PDE12: variants seen among roughly 807,000 people sequenced by gnomAD.
PDE12 encodes phosphodiesterase 12, also known as 2',5'-phosphodiesterase 12.
In PDE12, 26 loss-of-function variants were observed where a neutral mutation model predicts 45.4. That is an observed-to-expected ratio of 0.57 (90% confidence interval 0.42 to 0.79). The LOEUF (loss-of-function observed/expected upper bound fraction) is 0.79, where lower values mean the gene tolerates loss of function less well. Ranked by LOEUF, PDE12 falls within the 30% of genes least tolerant of loss-of-function variation. The probability of loss-of-function intolerance (pLI) is 0.00; values close to 1 mark genes in which losing one functional copy is unlikely to be tolerated. For synonymous variants in PDE12, 283 were observed against 323.9 expected (o/e 0.87, Z 1.36); for missense variants, 668 against 790.0 (o/e 0.85, Z 1.85).
the PDE12 span, among the ~76,000 whole-genome samples, chr3:57,623,885 G>A: frequency 6.6e-6 from 1 of 152,170 alleles, no homozygotes; most frequent in African/African-American, 2.4e-5. Flanking sequence ...ATGATGACAA[G>A]AATGGGGAGG....
chr3:57,628,806 C>G, the PDE12 span: 1 of 1,610,100 alleles, frequency 6.2e-7, no homozygotes, highest in Non-Finnish European at 8.5e-7. Context: ...GTTTTGGCTA[C>G]ATACCAGCTT....
At chr3:57,584,006 A>G in the PDE12 span, 2 of 1,601,544 alleles carry the variant, frequency 1.2e-6, no homozygotes, top group East Asian at 4.5e-5. Context: ...CCACATTAAA[A>G]CCTACAAAGA....
chr3:57,612,807 C>G, the PDE12 span, among the ~76,000 whole-genome samples: 1 of 150,686 alleles, frequency 6.6e-6, no homozygotes, highest in South Asian at 2.1e-4. Context: ...TTGAAAGAAC[C>G]CAGGAAAAAA....
At chr3:57,618,843 A>G in the PDE12 span, among the ~76,000 whole-genome samples, 5 of 151,878 alleles carry the variant, frequency 3.3e-5, no homozygotes, top group South Asian at 1.0e-3. Context: ...CCTGGGCTCA[A>G]GTGATCTGCT....
chr3:57,566,105 C>CA lies in PDE12; in HGVS notation c.*6102dup, dbSNP rs1010088418. 1 of 152,140 alleles carries CA rather than the reference C, an allele frequency of 6.6e-6. No homozygotes were observed. Among genetic ancestry groups the CA allele is most frequent in the Non-Finnish European group, 1.5e-5 (1 of 68,042 alleles). 9.4% of individuals were successfully genotyped at this position (152,140 alleles called of 1,614,324 possible). On this transcript the variant is annotated 3_prime_UTR_variant, in exon 3 of 3. Transcript: ENST00000311180. Reference sequence around the variant, plus strand: ...CTTTTTTTGTCACTGCATATCAACTCAGTTGACAAGGACTGGCCCCCAAAA... The same window carrying CA: ...CTTTTTTTGTCACTGCATATCAACTCAAGTTGACAAGGACTGGCCCCCAAAA...
chr3:57,610,584 A>G, the PDE12 span, among the ~76,000 whole-genome samples: 1 of 152,098 alleles, frequency 6.6e-6, no homozygotes. Flanking sequence ...ATTCTTATAC[A>G]CCAATAACAG....
At chr3:57,646,037 T>C in the PDE12 span, among the ~76,000 whole-genome samples, 1 of 152,152 alleles carries the variant, frequency 6.6e-6, no homozygotes, top group Non-Finnish European at 1.5e-5. Flanking sequence ...TTCACACAAG[T>C]AATATTTATC....
the PDE12 span, among the ~76,000 whole-genome samples, chr3:57,602,634 G>A: frequency 2.0e-5 from 3 of 152,012 alleles, no homozygotes; most frequent in African/African-American, 7.2e-5. Flanking sequence ...GCAGTGGCAC[G>A]ATCTTGGCTC....
chr3:57,647,364 G>A, the PDE12 span, among the ~76,000 whole-genome samples: 1,034 of 152,230 alleles, frequency 6.8e-3, 13 homozygotes, highest in African/African-American at 0.023. Context: ...AAACAACTCA[G>A]TCCTAAAGCA....
chr3:57,636,456 C>T, the PDE12 span, among the ~76,000 whole-genome samples: 8 of 152,038 alleles, frequency 5.3e-5, no homozygotes, highest in African/African-American at 9.7e-5. Flanking sequence ...GCTAATTACC[C>T]GTATCAATGA....
chr3:57,576,477 T>C, the PDE12 span, among the ~76,000 whole-genome samples: 9 of 151,578 alleles, frequency 5.9e-5, no homozygotes, highest in Admixed American at 5.9e-4. Flanking sequence ...ATGACATTTA[T>C]AGTGTGTGAA....
At chr3:57,653,897 C>T in the PDE12 span, among the ~76,000 whole-genome samples, 3 of 150,664 alleles carry the variant, frequency 2.0e-5, no homozygotes, top group Non-Finnish European at 2.9e-5. Flanking sequence ...GCTAAGCTCC[C>T]ACCACCAAAA....
At chr3:57,579,088 G>A in the PDE12 span, among the ~76,000 whole-genome samples, 6 of 151,662 alleles carry the variant, frequency 4.0e-5, no homozygotes, top group African/African-American at 1.5e-4. Context: ...CCTGAGATCA[G>A]GAGTTCGAGA....
the PDE12 span, chr3:57,597,366 G>A: frequency 4.5e-6 from 2 of 448,120 alleles, no homozygotes; most frequent in Non-Finnish European, 8.2e-6. Context: ...TCCGGCTCTA[G>A]CCTTTAGGCT....
At chr3:57,631,596 A>G in the PDE12 span, among the ~76,000 whole-genome samples, 1 of 152,148 alleles carries the variant, frequency 6.6e-6, no homozygotes, top group Non-Finnish European at 1.5e-5. Context: ...AATCCTTGGA[A>G]TGATCCTATG....
At chr3:57,640,504 A>C in the PDE12 span, among the ~76,000 whole-genome samples, 4 of 150,130 alleles carry the variant, frequency 2.7e-5, no homozygotes, top group Non-Finnish European at 5.9e-5. Flanking sequence ...GAGGCAGGAG[A>C]AACACTTGAA....
chr3:57,589,423 G>T, the PDE12 span, among the ~76,000 whole-genome samples: 2 of 151,942 alleles, frequency 1.3e-5, no homozygotes, highest in Admixed American at 6.6e-5. Flanking sequence ...GCAAGATCCT[G>T]TCTCAAACAA....
the PDE12 span, among the ~76,000 whole-genome samples, chr3:57,652,676 A>C: frequency 6.6e-6 from 1 of 152,228 alleles, no homozygotes; most frequent in Non-Finnish European, 1.5e-5. Flanking sequence ...AGAAGCTTGG[A>C]GGATACCACA....
rs2069769722 is a variant in PDE12 at position 57,565,023 on chromosome 3, G to A, written c.*5019G>A. 6.7e-6 allele frequency: 1 copy of A among 149,898 alleles called. No individual in the cohort carries two copies. The allele number at this position is 149,898 out of a possible 1,614,324, so 9.3% of individuals were successfully genotyped here. The stretch of plus-strand genomic sequence containing the variant: ...TTTTTAAATAAGACAGGGTGTTGCT[G>A]TTGCCCAGGCTGGAGCGCAGTGGCA... On this transcript the variant is annotated 3_prime_UTR_variant, in exon 3 of 3. Transcript: ENST00000311180.
Sources: allele counts gnomAD v4.1 joint callset (sites outside exome capture counted in the v4.1 genomes callset), GRCh38; gene constraint gnomAD v4.1.1; transcripts MANE v1.5; gene names NCBI Gene and HGNC (gene_info 2026-07-23, HGNC 2026-07-21).